Variants in ADGRV1 observed in about 807,000 individuals in gnomAD.
The protein encoded by ADGRV1 is G-protein coupled receptor 98.
In ADGRV1, 359 loss-of-function variants were observed where a neutral mutation model predicts 596.2. That is an observed-to-expected ratio of 0.60 (90% CI 0.55 to 0.66). The LOEUF (loss-of-function observed/expected upper bound fraction) is 0.66, where lower values mean the gene tolerates loss of function less well. ADGRV1 is among the 30% of genes least tolerant of loss of function. The pLI is 0.00. For missense variants in ADGRV1, 7,274 were observed against 7,575.6 expected, an observed-to-expected ratio of 0.96 and a Z score of 1.48; for synonymous variants, 2,681 against 2,679.2, an observed-to-expected ratio of 1.00 and a Z score of -0.02.
At chr5:90,873,792 T>G (rs1189885036) in intron 83 of ADGRV1, among the ~76,000 whole-genome samples, 6 of 109,542 alleles carry the variant, frequency 5.5e-5, no homozygotes, top group African/African-American at 2.0e-4. Flanking sequence ...CCTTGTCTCT[T>G]AAAAAAAGAA....
At chr5:91,062,546 T>C (rs1787531235) in intron 85 of ADGRV1, among the ~76,000 whole-genome samples, 1 of 152,060 alleles carries the variant, frequency 6.6e-6, no homozygotes, top group South Asian at 2.1e-4. Context: ...AACAGCTGTT[T>C]AGATGCAGCA....
chr5:90,726,424 C>G (rs141966450), intron 48 of ADGRV1, among the ~76,000 whole-genome samples: 1 of 152,264 alleles, frequency 6.6e-6, no homozygotes, highest in African/African-American at 2.4e-5. Context: ...CATTTCATTT[C>G]CTTTCTCCCT....
chr5:90,731,656 T>C (rs1029154505), intron 50 of ADGRV1, among the ~76,000 whole-genome samples: 6 of 152,152 alleles, frequency 3.9e-5, no homozygotes, highest in African/African-American at 1.2e-4. Context: ...GACCAGAATG[T>C]TGTGGTGCTG....
At chr5:91,036,863 TA>T (rs1227757980) in intron 85 of ADGRV1, among the ~76,000 whole-genome samples, 1 of 152,118 alleles carries the variant, frequency 6.6e-6, no homozygotes, top group African/African-American at 2.4e-5. Context: ...GGCAGGAAAT[TA>T]AATGCAAGAA....
chr5:90,895,865 C>G (rs1771260495), intron 83 of ADGRV1, among the ~76,000 whole-genome samples: 1 of 152,140 alleles, frequency 6.6e-6, no homozygotes, highest in Non-Finnish European at 1.5e-5. Context: ...AAAGTATAGT[C>G]TTCATAACTT....
At chr5:91,157,175 C>A (rs1215131167) in intron 89 of ADGRV1, among the ~76,000 whole-genome samples, 1 of 152,134 alleles carries the variant, frequency 6.6e-6, no homozygotes, top group East Asian at 1.9e-4. Flanking sequence ...TCACTATGGC[C>A]CATTCCAAGT....
intron 74 of ADGRV1, among the ~76,000 whole-genome samples, chr5:90,813,649 T>G (rs1762654424): frequency 6.6e-6 from 1 of 152,204 alleles, no homozygotes; most frequent in African/African-American, 2.4e-5. Context: ...TGTCGTATGA[T>G]GTAATTGGCC....
chr5:90,610,963 A>G (rs1040957067), intron 1 of ADGRV1, among the ~76,000 whole-genome samples: 14 of 151,936 alleles, frequency 9.2e-5, no homozygotes, highest in African/African-American at 3.4e-4. Context: ...GGTAGAGGGA[A>G]TTTCCATTCT....
chr5:91,035,861 TTA>T lies in ADGRV1; in HGVS notation c.18153-36566_18153-36565del, dbSNP rs1554202360. ...ATGAGTGTGTATATATATATATATA[TTA>T]TATATATATATATATATATCTTACA... On this transcript the variant is annotated intron_variant, in intron 85 of 89. Transcript: ENST00000405460. Among the ~76,000 whole-genome samples the T allele has an allele frequency of 4.0e-4, 39 of 96,390 alleles. 1 individual carries two copies. Among genetic ancestry groups the T allele is most frequent in the South Asian group, 1.1e-3 (3 of 2,844 alleles). 63.2% of individuals were successfully genotyped at this position (96,390 alleles called of 152,430 possible).
At chr5:90,962,959 G>T (rs958159863) in intron 83 of ADGRV1, among the ~76,000 whole-genome samples, 5 of 152,030 alleles carry the variant, frequency 3.3e-5, no homozygotes, top group East Asian at 1.9e-4. Flanking sequence ...AAAAAGAAAA[G>T]AATTATTTAA....
Position 91,078,874 on chromosome 5 carries a change from C to T in ADGRV1, c.18310+6270C>T, listed in dbSNP as rs77854347. ...TTTAAGTCACTAAGTTTGGTGCTAGCTTATTTGAAGCAGTCAGTAGCTGAA... is the reference window on the plus strand; with the variant it reads ...TTTAAGTCACTAAGTTTGGTGCTAGTTTATTTGAAGCAGTCAGTAGCTGAA... On this transcript the variant is annotated intron_variant, in intron 86 of 89. Coordinates refer to ENST00000405460, the MANE Select transcript of ADGRV1 (RefSeq NM_032119.4). Among the ~76,000 whole-genome samples, 586 of 152,290 alleles carry T rather than the reference C, an allele frequency of 3.8e-3. 4 individuals are homozygous for T. Among genetic ancestry groups the T allele is most frequent in the African/African-American group, 0.013 (523 of 41,562 alleles).
chr5:90,813,641 T>C (rs1245276199), intron 74 of ADGRV1, among the ~76,000 whole-genome samples: 2 of 152,188 alleles, frequency 1.3e-5, no homozygotes, highest in African/African-American at 4.8e-5. Context: ...ACCACTAATG[T>C]CGTATGATGT....
At chr5:90,753,019 A>G (rs1755439062) in intron 53 of ADGRV1, among the ~76,000 whole-genome samples, 1 of 139,498 alleles carries the variant, frequency 7.2e-6, no homozygotes, top group African/African-American at 2.5e-5. Flanking sequence ...AAGGTCTTCC[A>G]TGCTTTTTAG....
intron 4 of ADGRV1, among the ~76,000 whole-genome samples, chr5:90,619,623 T>C (rs781336046): frequency 5.3e-5 from 8 of 152,180 alleles, no homozygotes; most frequent in Non-Finnish European, 1.0e-4. Context: ...TATTATACTT[T>C]AAGTTTTAGG....
At chr5:90,763,967 G>T (rs1318659470) in intron 59 of ADGRV1, among the ~76,000 whole-genome samples, 1 of 152,154 alleles carries the variant, frequency 6.6e-6, no homozygotes, top group Non-Finnish European at 1.5e-5. Context: ...TTCCTATTGG[G>T]AATAGGTTGA....
chr5:91,042,315 T>C (rs1033659223), intron 85 of ADGRV1, among the ~76,000 whole-genome samples: 3 of 152,214 alleles, frequency 2.0e-5, no homozygotes, highest in African/African-American at 7.2e-5. Flanking sequence ...GTACAGTTGA[T>C]ATATTAAAAA....
rs1767834880 is a variant in ADGRV1, at chr5:90,646,766, T to C, written c.3022+675T>C. ...GTATTTTATTGATTTGTATTCTTTC[T>C]TTCTTCTTCTTTTTTTTTTTTTTTT... On this transcript the variant is annotated intron_variant, in intron 16 of 89. Coordinates refer to ENST00000405460, the MANE Select transcript of ADGRV1 (RefSeq NM_032119.4). Among the ~76,000 whole-genome samples, 3 of 144,686 alleles carry C rather than the reference T, an allele frequency of 2.1e-5. No individual in the cohort carries two copies. In the South Asian group the frequency reaches 6.8e-4, roughly 33 times the overall value. 94.9% of individuals were successfully genotyped at this position (144,686 alleles called of 152,430 possible).
At chr5:90,832,386 C>T (rs114569770) in intron 77 of ADGRV1, among the ~76,000 whole-genome samples, 3,938 of 152,116 alleles carry the variant, frequency 0.026, 155 homozygotes, top group African/African-American at 0.089. Context: ...CCCTATTTAC[C>T]ATTTGTATGT....
intron 83 of ADGRV1, among the ~76,000 whole-genome samples, chr5:90,946,018 A>G (rs1245468468): frequency 6.6e-6 from 1 of 152,138 alleles, no homozygotes; most frequent in Admixed American, 6.6e-5. Flanking sequence ...AGGGACAATT[A>G]GCAGACTTAT....
Sources: gnomAD v4.1 joint callset for allele counts (sites outside exome capture counted in the v4.1 genomes callset) on GRCh38, gnomAD v4.1.1 for gene constraint, MANE v1.5 for transcripts, NCBI Gene and HGNC (gene_info 2026-07-23, HGNC 2026-07-21) for gene names.